Variants in CCDC50 observed in about 807,000 individuals in gnomAD.
CCDC50 encodes the protein coiled-coil domain-containing protein 50.
Under a neutral mutation model 70.2 loss-of-function variants are expected in CCDC50, and 54 were observed. The ratio of observed to expected loss-of-function variants is 0.77; its 90% CI spans 0.62 to 0.96. The LOEUF (loss-of-function observed/expected upper bound fraction) is 0.96, where lower values mean the gene tolerates loss of function less well. Among genes scored for constraint, CCDC50 ranks in the 50% least tolerant of loss-of-function variants. The pLI, the probability that CCDC50 is intolerant of heterozygous loss-of-function variation, is 0.00. For synonymous variants in CCDC50, 216 were observed against 198.8 expected, an observed-to-expected ratio of 1.09 and a Z score of -0.73; for missense variants, 558 against 578.7, an observed-to-expected ratio of 0.96 and a Z score of 0.37.
chr3:191,360,852 G>A (rs1033760566), intron 3 of CCDC50, among the ~76,000 whole-genome samples: 24 of 152,100 alleles, frequency 1.6e-4, no homozygotes, highest in South Asian at 6.2e-4. Context: ...ACATATTTTC[G>A]TTGTGATCTT....
At chr3:191,388,906 G>A (rs1313100053) in intron 10 of CCDC50, among the ~76,000 whole-genome samples, 1 of 141,948 alleles carries the variant, frequency 7.0e-6, no homozygotes, top group Non-Finnish European at 1.5e-5. Context: ...AAAGTTTAGA[G>A]TAGTAAAAAT....
At chr3:191,385,955 G>T (rs1318742544) in intron 10 of CCDC50, among the ~76,000 whole-genome samples, 2 of 152,040 alleles carry the variant, frequency 1.3e-5, no homozygotes, top group African/African-American at 4.8e-5. Flanking sequence ...TTTATTTCAA[G>T]GGATCTGTAC....
At chr3:191,332,805 G>T (rs1050044286) in intron 1 of CCDC50, among the ~76,000 whole-genome samples, 1 of 152,178 alleles carries the variant, frequency 6.6e-6, no homozygotes, top group African/African-American at 2.4e-5. Context: ...TGCTCTCCAA[G>T]TTCCTGTATC....
chr3:191,346,113 A>G (rs146626678), intron 1 of CCDC50, among the ~76,000 whole-genome samples: 42 of 152,324 alleles, frequency 2.8e-4, no homozygotes, highest in African/African-American at 9.6e-4. Context: ...ATTTGGGACC[A>G]TATGTGGGCT....
chr3:191,358,438 TG>T (rs1185350358), intron 3 of CCDC50, among the ~76,000 whole-genome samples: 1 of 152,226 alleles, frequency 6.6e-6, no homozygotes, highest in East Asian at 1.9e-4. Context: ...TAATAATCTC[TG>T]TCCCCTCTGC....
At position 191,397,109 on chromosome 3, in the gene CCDC50, A is replaced by G. The variant is rs1351877985; in HGVS notation, c.*5349A>G. 2.0e-5 allele frequency: 3 copies of G among 152,166 alleles called. No homozygotes were observed. The highest frequency in any genetic ancestry group is 4.8e-5 in the African/African-American group (2 of 41,436). The allele number at this position is 152,166 out of a possible 1,614,324, so 9.4% of individuals were successfully genotyped here. On this transcript the variant is annotated 3_prime_UTR_variant, in exon 12 of 12. Coordinates refer to ENST00000392455, the MANE Select transcript of CCDC50 (RefSeq NM_178335.3). Reference sequence around the variant, plus strand: ...CTGAGGTTCATATAAAGAATAGAAAAATTGAAAGATGGGTTTGGGCGACAT... The same window carrying G: ...CTGAGGTTCATATAAAGAATAGAAAGATTGAAAGATGGGTTTGGGCGACAT...
At chr3:191,345,261 T>C (rs1378850982) in intron 1 of CCDC50, among the ~76,000 whole-genome samples, 1 of 152,236 alleles carries the variant, frequency 6.6e-6, no homozygotes, top group Non-Finnish European at 1.5e-5. Context: ...AAAGCACCAA[T>C]CCATACAGTT....
intron 10 of CCDC50, among the ~76,000 whole-genome samples, chr3:191,385,720 T>G (rs1427128417): frequency 6.6e-6 from 1 of 152,100 alleles, no homozygotes; most frequent in Non-Finnish European, 1.5e-5. Flanking sequence ...CTTAAATTAT[T>G]TGCCTTGGCC....
chr3:191,395,192 G>A lies in CCDC50; in HGVS notation c.*3432G>A, dbSNP rs1368668504. The A allele has an allele frequency of 5.3e-5, 8 of 152,010 alleles. No homozygotes were observed. The highest frequency in any genetic ancestry group is 7.4e-5 in the Non-Finnish European group (5 of 67,982). The allele number at this position is 152,010 out of a possible 1,614,324, so 9.4% of individuals were successfully genotyped here. A position where few individuals can be genotyped will look rare whatever the true frequency, so the allele number is the denominator to read the frequency against. The stretch of plus-strand genomic sequence containing the variant: ...ATTCTGGACCTGATTCATTAACCCC[G>A]CTTTTCTTCTCTAATGTGTCCTGAA... On this transcript the variant is annotated 3_prime_UTR_variant, in exon 12 of 12. Transcript: ENST00000392455.
In CCDC50 at chr3:191,397,247, G is replaced by A. The variant is rs2108682608; in HGVS notation, c.*5487G>A. 6.6e-6 allele frequency: 1 copy of A among 152,272 alleles called. No homozygotes were observed. Among genetic ancestry groups the A allele is most frequent in the South Asian group, 2.1e-4 (1 of 4,822 alleles). 9.4% of individuals were successfully genotyped at this position (152,272 alleles called of 1,614,324 possible). A position where few individuals can be genotyped will look rare whatever the true frequency, so the allele number is the denominator to read the frequency against. On this transcript the variant is annotated 3_prime_UTR_variant, in exon 12 of 12. Transcript: ENST00000392455. ...TACATTTTTGTTGCACTGGATTTCA[G>A]GCTATACTGCTAAAATAATTTCTAC...
Position 191,358,088 on chromosome 3 carries a change from A to G in CCDC50, c.203A>G (p.Lys68Arg). ...AAGCAGCTCCAAGAGGAAGATCTGA[A>G]AGCGCAGGCCCAGCTCCAGAAGCGC... is the stretch of plus-strand genomic sequence containing the variant. ...VAKQLQEEDL[K>R]AQAQLQKRYK... The change falls in exon 3 of 12, where the codon AAA becomes AGA. Residue 68 changes from lysine (K) to arginine (R), a missense_variant. Coordinates refer to ENST00000392455, the MANE Select transcript of CCDC50 (RefSeq NM_178335.3). 1 of 1,613,968 alleles carries G rather than the reference A, an allele frequency of 6.2e-7. No homozygotes were observed. Among genetic ancestry groups the G allele is most frequent in the Non-Finnish European group, 8.5e-7 (1 of 1,179,898 alleles).
At chr3:191,344,225 G>A (rs1295385785) in intron 1 of CCDC50, among the ~76,000 whole-genome samples, 1 of 152,184 alleles carries the variant, frequency 6.6e-6, no homozygotes, top group Admixed American at 6.5e-5. Flanking sequence ...CAGGTTCACT[G>A]AGTGGTCCAG....
At chr3:191,366,287 A>G (rs967112642) in intron 4 of CCDC50, among the ~76,000 whole-genome samples, 2 of 152,144 alleles carry the variant, frequency 1.3e-5, no homozygotes, top group African/African-American at 4.8e-5. Flanking sequence ...GGGAATCACT[A>G]AATCTATGTT....
chr3:191,354,001 G>A (rs1389356467), intron 1 of CCDC50, among the ~76,000 whole-genome samples: 1 of 152,146 alleles, frequency 6.6e-6, no homozygotes, highest in Non-Finnish European at 1.5e-5. Context: ...ATTATGAGGA[G>A]TCATCAAGGT....
At chr3:191,390,381 G>C (rs914850567) in intron 11 of CCDC50, among the ~76,000 whole-genome samples, 1 of 9,070 alleles carries the variant, frequency 1.1e-4, no homozygotes, top group African/African-American at 3.9e-4. Flanking sequence ...TCCAGAAAAG[G>C]GTCCCGATTC....
chr3:191,357,055 C>T (rs1419525116), intron 1 of CCDC50, 33 bp from the exon 2 acceptor site: 3 of 1,396,090 alleles, frequency 2.1e-6, no homozygotes, highest in Non-Finnish European at 3.0e-6. Flanking sequence ...TACTAATGAG[C>T]CTTCCTGTCT....
chr3:191,373,695 G>A (rs540866187), intron 5 of CCDC50, among the ~76,000 whole-genome samples: 3 of 151,512 alleles, frequency 2.0e-5, no homozygotes, highest in African/African-American at 7.2e-5. Context: ...TAATTCTTCT[G>A]TTTTGCTTTT....
chr3:191,382,964 A>G (rs1159049375), intron 10 of CCDC50, 139 bp downstream of exon 10: 3 of 643,972 alleles, frequency 4.7e-6, no homozygotes, highest in Non-Finnish European at 8.4e-6. Context: ...CAAGACATTC[A>G]GGGTTATTTT....
intron 1 of CCDC50, among the ~76,000 whole-genome samples, chr3:191,338,107 C>T (rs1358018376): frequency 6.6e-6 from 1 of 152,136 alleles, no homozygotes; most frequent in African/African-American, 2.4e-5. Flanking sequence ...GTTTTAACTG[C>T]ATATAGTAAA....
Sources: allele counts gnomAD v4.1 joint callset (sites outside exome capture counted in the v4.1 genomes callset), GRCh38; gene constraint gnomAD v4.1.1; transcripts MANE v1.5; gene names NCBI Gene and HGNC (gene_info 2026-07-23, HGNC 2026-07-21).